Variants in GOLGA3 observed in about 807,000 individuals in gnomAD.
GOLGA3 encodes golgin subfamily A member 3.
Under a neutral mutation model 169.4 loss-of-function variants are expected in GOLGA3, and 75 were observed. The ratio of observed to expected loss-of-function variants is 0.44; its 90% CI spans 0.37 to 0.54. The LOEUF is 0.54. GOLGA3 is among the 20% of genes least tolerant of loss of function. The pLI, the probability that GOLGA3 is intolerant of heterozygous loss-of-function variation, is 0.00. For synonymous variants in GOLGA3, 824 were observed against 822.4 expected (o/e 1.00, Z -0.03); for missense variants, 1,899 against 1,930.0 (o/e 0.98, Z 0.30).
At chr12:132,809,617 ACT>A (rs1301996884) in intron 4 of GOLGA3, among the ~76,000 whole-genome samples, 1 of 151,798 alleles carries the variant, frequency 6.6e-6, no homozygotes, top group Non-Finnish European at 1.5e-5. Flanking sequence ...GAAGGCTTGC[ACT>A]CTTGCCTTCT....
intron 4 of GOLGA3, among the ~76,000 whole-genome samples, chr12:132,809,531 C>A (rs1202182912): frequency 6.8e-6 from 1 of 147,910 alleles, no homozygotes; most frequent in Non-Finnish European, 1.5e-5. Context: ...TGGTAACGGG[C>A]GTCTTCCCGT....
intron 11 of GOLGA3, among the ~76,000 whole-genome samples, chr12:132,792,749 G>A (rs1948611464): frequency 7.5e-6 from 1 of 133,028 alleles, no homozygotes; most frequent in African/African-American, 2.8e-5. Flanking sequence ...CACTCGGAGG[G>A]CTCCACACGG....
intron 17 of GOLGA3, 46 bp downstream of exon 17, chr12:132,782,250 C>T (rs779869010): frequency 8.1e-6 from 12 of 1,484,208 alleles, no homozygotes; most frequent in South Asian, 7.9e-5. Context: ...CACAGCCCCA[C>T]CAACTCTCAC....
intron 6 of GOLGA3, among the ~76,000 whole-genome samples, chr12:132,805,909 G>A (rs551539197): frequency 7.9e-5 from 12 of 152,074 alleles, no homozygotes; most frequent in South Asian, 2.1e-4. Context: ...AGATCTGGGG[G>A]GAAATGGGCA....
At chr12:132,810,390 G>A (rs1179179619) in intron 4 of GOLGA3, among the ~76,000 whole-genome samples, 2 of 152,102 alleles carry the variant, frequency 1.3e-5, no homozygotes, top group Non-Finnish European at 2.9e-5. Flanking sequence ...AGAGACTGAG[G>A]ACGCGAACTG....
chr12:132,810,471 G>A (rs752455809), intron 4 of GOLGA3, among the ~76,000 whole-genome samples: 4 of 152,130 alleles, frequency 2.6e-5, no homozygotes, highest in African/African-American at 4.8e-5. Flanking sequence ...GATTATATAT[G>A]AATATCATTA....
In GOLGA3 at chr12:132,808,277, C is replaced by T. The variant is rs111801600; in HGVS notation, c.792G>A (p.Pro264=). 299 of 1,614,072 alleles carry T rather than the reference C, an allele frequency of 1.9e-4. 2 individuals are homozygous for T. The African/African-American group carries it at 2.1e-3, about 11-fold the overall frequency. ...SNAGNSGGNV[P]APDSTKGSLK... ...GGGAACCCTTGGTAGAATCGGGAGCCGGGACATTTCCCCCAGAATTCCCCG... is the reference window on the plus strand; with the variant it reads ...GGGAACCCTTGGTAGAATCGGGAGCTGGGACATTTCCCCCAGAATTCCCCG... The change falls in exon 5 of 24, where the codon CCG becomes CCA. Residue 264 remains proline, a synonymous_variant. Transcript: ENST00000450791.
chr12:132,816,225 C>T (rs1949954862), intron 3 of GOLGA3, among the ~76,000 whole-genome samples: 1 of 152,164 alleles, frequency 6.6e-6, no homozygotes, highest in Non-Finnish European at 1.5e-5. Flanking sequence ...CAAAAAAAAC[C>T]AAAACAACAG....
At chr12:132,773,674 C>T (rs2136235736) in intron 23 of GOLGA3, among the ~76,000 whole-genome samples, 1 of 152,364 alleles carries the variant, frequency 6.6e-6, no homozygotes, top group Middle Eastern at 3.4e-3. Flanking sequence ...TAGTTTAACT[C>T]CAGGCAGTTT....
chr12:132,816,886 G>C, intron 2 of GOLGA3, 74 bp from the exon 3 acceptor site: 1 of 1,309,184 alleles, frequency 7.6e-7, no homozygotes, highest in Non-Finnish European at 1.0e-6. Context: ...CATGCAGCTG[G>C]AGTAGGAGAG....
In GOLGA3 at chr12:132,789,155, G is replaced by T. The variant is rs147896866; in HGVS notation, c.2683C>A (p.Arg895=). The part of the protein sequence containing the change: ...QELMQVHGEK[R]TAEAELSRLH... ...CGCGAGAGCTCCGCCTCGGCAGTCC[G>T]CTTCTCCCCGTGCACTTGCATCAGC... Residue 895 remains arginine, a synonymous_variant, in exon 13 of 24, where the codon CGG becomes AGG. Coordinates refer to ENST00000450791, the MANE Select transcript of GOLGA3 (RefSeq NM_001389683.1). 1.6e-5 allele frequency: 26 copies of T among 1,612,278 alleles called. No homozygotes were observed. The South Asian group carries it at 2.9e-4, about 18-fold the overall frequency.
intron 4 of GOLGA3, among the ~76,000 whole-genome samples, 174 bp downstream of exon 4, chr12:132,813,133 G>A (rs1219135301): frequency 6.6e-6 from 1 of 152,180 alleles, no homozygotes; most frequent in Non-Finnish European, 1.5e-5. Context: ...GAGGTCACCC[G>A]TGTTTGCTTT....
chr12:132,806,882 C>T (rs957274113), intron 6 of GOLGA3, among the ~76,000 whole-genome samples: 1 of 152,104 alleles, frequency 6.6e-6, no homozygotes, highest in Admixed American at 6.6e-5. Flanking sequence ...CCAGAAAAAG[C>T]TGCAACCCAC....
intron 4 of GOLGA3, among the ~76,000 whole-genome samples, chr12:132,812,496 C>A (rs141550536): frequency 1.3e-5 from 2 of 152,222 alleles, no homozygotes; most frequent in African/African-American, 4.8e-5. Context: ...ATTCTAGATG[C>A]CATTAAAAAC....
chr12:132,787,046 C>T (rs4534619), intron 13 of GOLGA3, among the ~76,000 whole-genome samples: 47,333 of 151,528 alleles, frequency 0.31, 7,683 homozygotes, highest in East Asian at 0.52. Flanking sequence ...CTCCGCCTCC[C>T]AGGTTCAAGT....
At chr12:132,796,800 G>A in intron 9 of GOLGA3, 100 bp from the exon 10 acceptor site, 1 of 1,184,576 alleles carries the variant, frequency 8.4e-7, no homozygotes, top group South Asian at 1.4e-5. Context: ...GCCCTGGCAT[G>A]GGCCCCATCC....
chr12:132,800,604 G>A (rs1349207926), intron 8 of GOLGA3, among the ~76,000 whole-genome samples: 1 of 152,126 alleles, frequency 6.6e-6, no homozygotes, highest in African/African-American at 2.4e-5. Flanking sequence ...TTCCCCTCTT[G>A]AGAAATAAAG....
At chr12:132,784,370 G>A (rs1171870900) in intron 15 of GOLGA3, 63 bp from the exon 16 acceptor site, 56 of 1,444,016 alleles carry the variant, frequency 3.9e-5, no homozygotes, top group Non-Finnish European at 4.9e-5. Flanking sequence ...CTCACTTCCT[G>A]TGGTGCCGGC....
chr12:132,818,179 C>T (rs913099062), intron 2 of GOLGA3, among the ~76,000 whole-genome samples: 9 of 145,120 alleles, frequency 6.2e-5, no homozygotes, highest in African/African-American at 2.0e-4. Context: ...TCGCCCTCCA[C>T]ACCTCTACAC....
Sources: allele counts gnomAD v4.1 joint callset (sites outside exome capture counted in the v4.1 genomes callset), GRCh38; gene constraint gnomAD v4.1.1; transcripts MANE v1.5; gene names NCBI Gene and HGNC (gene_info 2026-07-23, HGNC 2026-07-21).